Variants in ATF6B observed in about 807,000 individuals in gnomAD.
ATF6B encodes activating transcription factor 6 beta, also known as cyclic AMP-dependent transcription factor ATF-6 beta.
A neutral mutation model predicts 83.5 loss-of-function variants in ATF6B; 50 were observed. That is an observed-to-expected ratio of 0.60 (90% CI 0.48 to 0.76). The LOEUF is 0.76. Ranked by LOEUF, ATF6B falls within the 30% of genes least tolerant of loss-of-function variation. ATF6B has a pLI of 0.00. For synonymous variants in ATF6B, 344 were observed against 362.8 expected (o/e 0.95, Z 0.59); for missense variants, 790 against 893.8 (o/e 0.88, Z 1.48).
intron 1 of ATF6B, 52 bp from the exon 2 acceptor site, chr6:32,127,802 A>C: frequency 6.3e-7 from 1 of 1,577,518 alleles, no homozygotes; most frequent in Non-Finnish European, 8.7e-7. Context: ...CAGCCTACAG[A>C]TCGCACACAA....
At position 32,120,990 on chromosome 6, in the gene ATF6B, T is replaced by C; in HGVS notation, c.699A>G (p.Ser233=). The C allele has an allele frequency of 6.6e-7, 1 of 1,521,862 alleles. No homozygotes were observed. The highest frequency in any genetic ancestry group is 8.8e-7 in the Non-Finnish European group (1 of 1,136,598). The allele number at this position is 1,521,862 out of a possible 1,614,324, so 94.3% of individuals were successfully genotyped here. A position where few individuals can be genotyped will look rare whatever the true frequency, so the allele number is the denominator to read the frequency against. Residue 233 remains serine, a splice_region_variant and synonymous_variant, in exon 7 of 18, where the codon TCA becomes TCG. Transcript: ENST00000375203. ...CCAAGTGTCAGGAGACTCCATTACC[T>C]GAGGAGCCATCAAGGGATGGGCCCA... ...ISMGPSLDGS[S]GKALPTRKPP...
In ATF6B at chr6:32,121,303, T is replaced by G; in HGVS notation, c.524A>C (p.Asn175Thr). 1.9e-6 allele frequency: 3 copies of G among 1,613,876 alleles called. No homozygotes were observed. The highest frequency in any genetic ancestry group is 2.5e-6 in the Non-Finnish European group (3 of 1,179,972). The change falls in exon 6 of 18, where the codon AAC (asparagine) becomes ACC (threonine). Residue 175 changes from asparagine (N) to threonine (T), a missense_variant. This residue lies in a region of ATF6B where 253 missense variants were observed against 243.1 expected (regional missense o/e 1.04). Coordinates refer to ENST00000375203, the MANE Select transcript of ATF6B (RefSeq NM_004381.5). The stretch of plus-strand genomic sequence containing the variant: ...GGCTGAGAGCAGGGAGGCCTCAGAG[T>G]TGACGGAAGAACATGGAGAGACAGG... ...IEPVSPCSSV[N>T]SEASLLSADS... is the part of the protein sequence containing the mutation.
Position 32,121,069 on chromosome 6 carries a change from C to A in ATF6B, c.620G>T (p.Gly207Val). Reference protein sequence around the residue: ...EVKTESLSPSGCLLWDVPAPS... With the variant: ...EVKTESLSPSVCLLWDVPAPS... ...GGCTGGGACATCCCACAGGAGGCAT[C>A]CTGAAGGGGACAGGGACTCTGTCTT... The change falls in exon 7 of 18, where the codon GGA becomes GTA. Residue 207 changes from glycine (G) to valine (V), a missense_variant. Coordinates refer to ENST00000375203, the MANE Select transcript of ATF6B (RefSeq NM_004381.5). The A allele has an allele frequency of 3.8e-6, 6 of 1,564,874 alleles. No individual in the cohort carries two copies. The highest frequency in any genetic ancestry group is 4.3e-6 in the Non-Finnish European group (5 of 1,157,934).
Position 32,119,689 on chromosome 6 carries a change from T to C in ATF6B, c.966+135A>G, listed in dbSNP as rs1317434484. 2 of 1,299,254 alleles carry C rather than the reference T, an allele frequency of 1.5e-6. No individual in the cohort carries two copies. 80.5% of individuals were successfully genotyped at this position (1,299,254 alleles called of 1,614,324 possible). A position where few individuals can be genotyped will look rare whatever the true frequency, so the allele number is the denominator to read the frequency against. ...CAGGAGTCCATTCTGACCCTCAGAA[T>C]GATCTAATGGGTCCGTTTCCTCACT... On this transcript the variant is annotated intron_variant, in intron 9 of 17. Coordinates refer to ENST00000375203, the MANE Select transcript of ATF6B (RefSeq NM_004381.5). The surrounding 1 kb of genome is among the most constrained non-coding windows in gnomAD (Gnocchi z 4.9).
rs563025164 is a variant in ATF6B, at chr6:32,127,919, A to C, written c.92-169T>G. Among the ~76,000 whole-genome samples the C allele has an allele frequency of 1.4e-4, 22 of 152,250 alleles. No homozygotes were observed. In the South Asian group the frequency reaches 4.1e-3, roughly 29 times the overall value. On this transcript the variant is annotated intron_variant, in intron 1 of 17. Transcript: ENST00000375203. ...CAGCCCCTCCTTCCCCGACCCCGGAACAACTCGACGTTCCAGCAGGGAGCA... is the reference window on the plus strand; with the variant it reads ...CAGCCCCTCCTTCCCCGACCCCGGACCAACTCGACGTTCCAGCAGGGAGCA...
At chr6:32,127,996 T>C (rs1375135515) in intron 1 of ATF6B, 121 bp downstream of exon 1, 1 of 1,239,444 alleles carries the variant, frequency 8.1e-7, no homozygotes, top group Non-Finnish European at 1.2e-6. Flanking sequence ...AGCCCCCTGC[T>C]CCGCTCTCCT....
chr6:32,117,847 C>T lies in ATF6B; in HGVS notation c.1424+12G>A. The T allele has an allele frequency of 6.4e-7, 1 of 1,558,128 alleles. No homozygotes were observed. The highest frequency in any genetic ancestry group is 8.7e-7 in the Non-Finnish European group (1 of 1,155,416). On this transcript the variant is annotated intron_variant, in intron 12 of 17. Coordinates refer to ENST00000375203, the MANE Select transcript of ATF6B (RefSeq NM_004381.5). The surrounding 1 kb of genome is among the most constrained non-coding windows in gnomAD (Gnocchi z 5.0). ...CCTCAAACGAGAGGGGGCCCTCTCT[C>T]TCTCTCCTCACCTGAAACTGGGCTG...
intron 5 of ATF6B, among the ~76,000 whole-genome samples, chr6:32,123,451 C>T (rs773942028): frequency 5.3e-5 from 8 of 152,026 alleles, no homozygotes; most frequent in Non-Finnish European, 8.8e-5. Context: ...TAGCAGTGGG[C>T]GATCTCGGCT....
chr6:32,120,490 G>A (rs551803312), intron 8 of ATF6B: 6 of 220,726 alleles, frequency 2.7e-5, no homozygotes, highest in East Asian at 1.7e-4. Context: ...TCGCTTTGTC[G>A]CCCAGGCTGG....
rs1781677662 is a variant in ATF6B at position 32,119,765 on chromosome 6, C to T, written c.966+59G>A. On this transcript the variant is annotated intron_variant, in intron 9 of 17. Transcript: ENST00000375203. This position sits in a 1 kb window ranked among gnomAD's most constrained non-coding sequence, Gnocchi z 4.9. ...CCTCATCCCACAGTTCTCTCTATGGCAAGACTTCCCTCTTCCCTTCCCATC... is the reference window on the plus strand; with the variant it reads ...CCTCATCCCACAGTTCTCTCTATGGTAAGACTTCCCTCTTCCCTTCCCATC... The T allele has an allele frequency of 1.3e-6, 2 of 1,590,422 alleles. No homozygotes were observed. The highest frequency in any genetic ancestry group is 1.7e-5 in the Admixed American group (1 of 58,254).
chr6:32,117,149 A>T lies in ATF6B; in HGVS notation c.1615-42T>A. ...CTAAGGACTTGGAGAGGGTGAAGGGAAAAGGGAAAGAGACAAACAGCCCCT... is the reference window on the plus strand; with the variant it reads ...CTAAGGACTTGGAGAGGGTGAAGGGTAAAGGGAAAGAGACAAACAGCCCCT... On this transcript the variant is annotated intron_variant, in intron 14 of 17. Coordinates refer to ENST00000375203, the MANE Select transcript of ATF6B (RefSeq NM_004381.5). This position sits in a 1 kb window ranked among gnomAD's most constrained non-coding sequence, Gnocchi z 5.0. 1 of 1,602,306 alleles carries T rather than the reference A, an allele frequency of 6.2e-7. No individual in the cohort carries two copies. Among genetic ancestry groups the T allele is most frequent in the Non-Finnish European group, 8.5e-7 (1 of 1,169,986 alleles).
In ATF6B at chr6:32,115,865, C is replaced by G. The variant is rs1273605286; in HGVS notation, c.1986G>C (p.Val662=). 6.2e-7 allele frequency: 1 copy of G among 1,614,138 alleles called. No homozygotes were observed. Among genetic ancestry groups the G allele is most frequent in the Admixed American group, 1.7e-5 (1 of 60,018 alleles). ...TRVIHIKTST[V]PPSLRKQPSP... The stretch of plus-strand genomic sequence containing the variant: ...ATGGCTGTTTTCGGAGCGAGGGGGG[C>G]ACTGTGGAGGTCTTGATGTGAATCA... Residue 662 remains valine, a synonymous_variant, in exon 18 of 18, where the codon GTG becomes GTC. Coordinates refer to ENST00000375203, the MANE Select transcript of ATF6B (RefSeq NM_004381.5).
Position 32,120,892 on chromosome 6 carries a change from C to A in ATF6B, c.711G>T (p.Leu237=). The A allele has an allele frequency of 6.5e-7, 1 of 1,540,558 alleles. No individual in the cohort carries two copies. The highest frequency in any genetic ancestry group is 2.1e-5 in the Admixed American group (1 of 47,168). Residue 237 remains leucine (L), a synonymous_variant, in exon 8 of 18, where the codon CTG becomes CTT. Transcript: ENST00000375203. The part of the protein sequence containing the change: ...PSLDGSSGKA[L]PTRKPPLQPK... Reference sequence around the variant, plus strand: ...GCTGCAGTGGCGGCTTCCGGGTGGGCAGGGCTTTGCCTGAAGGAAGGTGAG... The same window carrying A: ...GCTGCAGTGGCGGCTTCCGGGTGGGAAGGGCTTTGCCTGAAGGAAGGTGAG...
intron 3 of ATF6B, 100 bp from the exon 4 acceptor site, chr6:32,127,294 G>C (rs1782022378): frequency 1.4e-6 from 2 of 1,379,950 alleles, no homozygotes; most frequent in Non-Finnish European, 2.0e-6. Context: ...ACCGCAGCAA[G>C]GGAGAAGAAA....
chr6:32,118,095 G>C lies in ATF6B; in HGVS notation c.1245-57C>G, dbSNP rs748248151. On this transcript the variant is annotated intron_variant, in intron 11 of 17. Coordinates refer to ENST00000375203, the MANE Select transcript of ATF6B (RefSeq NM_004381.5). The surrounding 1 kb of genome is among the most constrained non-coding windows in gnomAD (Gnocchi z 5.2). ...GAATTTCAGCTGTATCAAGTATCTA[G>C]GTAAGAATAAAGACTCTGCAGATGG... 1.9e-6 allele frequency: 3 copies of C among 1,604,304 alleles called. No homozygotes were observed. The highest frequency in any genetic ancestry group is 1.7e-6 in the Non-Finnish European group (2 of 1,172,594).
rs1460217760 is a variant in ATF6B, at chr6:32,125,584, A to AC, written c.478+532dup. ...AGACCAGCCTGGCCAACATGGTGAAACCCCATCTCTACTAAAAATACAAAA... is the reference window on the plus strand; with the variant it reads ...AGACCAGCCTGGCCAACATGGTGAAACCCCCATCTCTACTAAAAATACAAAA... On this transcript the variant is annotated intron_variant, in intron 5 of 17. Transcript: ENST00000375203. The surrounding 1 kb of genome is among the most constrained non-coding windows in gnomAD (Gnocchi z 4.1). Among the ~76,000 whole-genome samples the AC allele has an allele frequency of 4.6e-5, 7 of 152,010 alleles. No homozygotes were observed. The highest frequency in any genetic ancestry group is 1.5e-4 in the African/African-American group (6 of 41,374).
intron 5 of ATF6B, among the ~76,000 whole-genome samples, chr6:32,122,417 T>C (rs1465052959): frequency 2.6e-5 from 4 of 152,236 alleles, no homozygotes; most frequent in African/African-American, 9.6e-5. Context: ...AGTCCACCAC[T>C]ACCTCTGGTC....
rs148987710 is a variant in ATF6B, at chr6:32,116,708, C to T, written c.1793G>A (p.Arg598Gln). Residue 598 changes from arginine (R) to glutamine (Q), a missense_variant, in exon 16 of 18, where the codon CGA becomes CAA. Around this residue, in one of 3 missense-constraint regions of ATF6B, gnomAD observed 530 missense variants for 632.6 expected, o/e 0.84. Transcript: ENST00000375203. This position sits in a 1 kb window ranked among gnomAD's most constrained non-coding sequence, Gnocchi z 5.1. ...REDTFYVVSFRRDHLLLPAIS... is the reference protein window; with the variant it reads ...REDTFYVVSFQRDHLLLPAIS... Reference sequence around the variant, plus strand: ...GGAAGGGCAGGAGAAACTCACCCTTCGGAAAGAGACAACATAAAATGTGTC... The same window carrying T: ...GGAAGGGCAGGAGAAACTCACCCTTTGGAAAGAGACAACATAAAATGTGTC... 8.1e-5 allele frequency: 130 copies of T among 1,614,024 alleles called. No homozygotes were observed. Among genetic ancestry groups the T allele is most frequent in the African/African-American group, 2.8e-4 (21 of 75,018 alleles).
rs1156469475 is a variant in ATF6B, at chr6:32,117,491, G to A, written c.1533-87C>T. The A allele has an allele frequency of 4.4e-6, 7 of 1,594,416 alleles. No homozygotes were observed. The highest frequency in any genetic ancestry group is 6.0e-6 in the Non-Finnish European group (7 of 1,166,634). On this transcript the variant is annotated intron_variant, in intron 13 of 17. Transcript: ENST00000375203. The surrounding 1 kb of genome is among the most constrained non-coding windows in gnomAD (Gnocchi z 5.0). ...ACCCACAGGAGTGAGGAGAGGGCAGGGAGCACTGGCGCTTTAGTACACAGG... is the reference window on the plus strand; with the variant it reads ...ACCCACAGGAGTGAGGAGAGGGCAGAGAGCACTGGCGCTTTAGTACACAGG...
Sources: allele counts gnomAD v4.1 joint callset (sites outside exome capture counted in the v4.1 genomes callset), GRCh38; gene constraint gnomAD v4.1.1; regional missense constraint gnomAD v4.1.1; non-coding constraint Gnocchi (gnomAD v3.1); transcripts MANE v1.5; gene names NCBI Gene and HGNC (gene_info 2026-07-23, HGNC 2026-07-21).